KANK1: variants seen among roughly 807,000 people sequenced by gnomAD.
KANK1 encodes KN motif and ankyrin repeat domains 1.
A neutral mutation model predicts 106.2 loss-of-function variants in KANK1; 109 were observed. The observed-to-expected ratio is 1.03, with a 90% CI of 0.88 to 1.20. The LOEUF (loss-of-function observed/expected upper bound fraction) is 1.20, where lower values mean the gene tolerates loss of function less well. Ranked by LOEUF, KANK1 falls within the 50% of genes most tolerant of loss-of-function variation. The probability of loss-of-function intolerance (pLI) is 0.00; values close to 1 mark genes in which losing one functional copy is unlikely to be tolerated. For missense variants in KANK1, 2,399 were observed against 1,710.7 expected (o/e 1.40, Z -7.10); for synonymous variants, 873 against 652.2 (o/e 1.34, Z -5.16).
chr9:529,221 A>T (rs185304533), intron 1 of KANK1, among the ~76,000 whole-genome samples: 1 of 126,132 alleles, frequency 7.9e-6, no homozygotes, highest in African/African-American at 3.0e-5. Context: ...AACTCTGTTA[A>T]TATATATATA....
intron 3 of KANK1, among the ~76,000 whole-genome samples, chr9:484,700 T>G (rs2058261756): frequency 6.6e-6 from 1 of 152,166 alleles, no homozygotes; most frequent in Non-Finnish European, 1.5e-5. Context: ...TTCTCAAGGA[T>G]CACAGGTCTG....
intron 1 of KANK1, among the ~76,000 whole-genome samples, chr9:654,831 G>C (rs937369567): frequency 1.3e-4 from 19 of 150,858 alleles, no homozygotes; most frequent in Non-Finnish European, 2.5e-4. Context: ...GAGAGAGAGA[G>C]AGAGAGAGAG....
At chr9:472,913 G>C (rs1304311803) in intron 2 of KANK1, among the ~76,000 whole-genome samples, 1 of 152,138 alleles carries the variant, frequency 6.6e-6, no homozygotes, top group Non-Finnish European at 1.5e-5. Context: ...AACTACCCTA[G>C]GTGAGACCAG....
chr9:727,322 A>ATTTT (rs113811286), intron 3 of KANK1, among the ~76,000 whole-genome samples: 1 of 147,858 alleles, frequency 6.8e-6, no homozygotes. Context: ...ATCCAAGGAA[A>ATTTT]TTTTTTTTTT....
chr9:616,140 A>G (rs1383144020), intron 1 of KANK1, among the ~76,000 whole-genome samples: 2 of 152,202 alleles, frequency 1.3e-5, no homozygotes, highest in African/African-American at 2.4e-5. Context: ...AAGAGTTTCA[A>G]TCAACAAGAT....
At chr9:728,867 C>A (rs1831459649) in intron 3 of KANK1, among the ~76,000 whole-genome samples, 1 of 152,176 alleles carries the variant, frequency 6.6e-6, no homozygotes, top group Non-Finnish European at 1.5e-5. Flanking sequence ...GACCTGGAAG[C>A]CCACCCTTAT....
chr9:511,041 A>T (rs548211661), intron 1 of KANK1, among the ~76,000 whole-genome samples: 1 of 152,220 alleles, frequency 6.6e-6, no homozygotes, highest in African/African-American at 2.4e-5. Flanking sequence ...TGAATGTATA[A>T]TGATGCAAAA....
At chr9:550,842 G>T (rs148980259) in intron 1 of KANK1, among the ~76,000 whole-genome samples, 1 of 152,136 alleles carries the variant, frequency 6.6e-6, no homozygotes, top group African/African-American at 2.4e-5. Flanking sequence ...TCTCCGAACT[G>T]TCTATACTTT....
At chr9:480,978 GA>G (rs1160270488) in intron 3 of KANK1, among the ~76,000 whole-genome samples, 1 of 152,130 alleles carries the variant, frequency 6.6e-6, no homozygotes, top group African/African-American at 2.4e-5. Flanking sequence ...CCACCTAAGT[GA>G]AAAAATGCAT....
chr9:551,728 G>A (rs369847090), intron 1 of KANK1, among the ~76,000 whole-genome samples: 1 of 151,968 alleles, frequency 6.6e-6, no homozygotes, highest in African/African-American at 2.4e-5. Flanking sequence ...AGATACCATC[G>A]GTGTTGTTAT....
chr9:689,997 A>T (rs912952673), intron 2 of KANK1, among the ~76,000 whole-genome samples: 1 of 151,828 alleles, frequency 6.6e-6, no homozygotes, highest in Admixed American at 6.6e-5. Flanking sequence ...GTTTATAAGA[A>T]CTACAAGAGG....
chr9:574,206 C>T (rs1290630533), intron 1 of KANK1, among the ~76,000 whole-genome samples: 1 of 152,248 alleles, frequency 6.6e-6, no homozygotes, highest in East Asian at 1.9e-4. Flanking sequence ...AGCTCTGTAC[C>T]TGTAACATTC....
At chr9:687,522 G>C (rs1244006910) in intron 2 of KANK1, among the ~76,000 whole-genome samples, 1 of 152,256 alleles carries the variant, frequency 6.6e-6, no homozygotes, top group East Asian at 1.9e-4. Flanking sequence ...CATGACTACA[G>C]GTACTCAGAG....
chr9:506,709 G>A (rs150248946), intron 1 of KANK1, among the ~76,000 whole-genome samples: 164 of 152,336 alleles, frequency 1.1e-3, no homozygotes, highest in Middle Eastern at 0.01. Context: ...CATTTCATGA[G>A]TATCAGTTCA....
At chr9:581,031 G>T (rs960626572) in intron 1 of KANK1, among the ~76,000 whole-genome samples, 3 of 151,900 alleles carry the variant, frequency 2.0e-5, no homozygotes, top group African/African-American at 7.2e-5. Context: ...GCCCCTCACT[G>T]CCCAGGGGCC....
intron 1 of KANK1, among the ~76,000 whole-genome samples, chr9:636,232 C>CT (rs978427017): frequency 1.3e-5 from 2 of 152,102 alleles, no homozygotes; most frequent in African/African-American, 4.8e-5. Context: ...GAGCTCTGCT[C>CT]TTAGATCTTT....
chr9:524,542 G>A (rs1323724527), intron 1 of KANK1, among the ~76,000 whole-genome samples: 3 of 151,668 alleles, frequency 2.0e-5, no homozygotes, highest in Non-Finnish European at 4.4e-5. Flanking sequence ...TTTTGAAACT[G>A]TGTCTTGGCC....
At chr9:606,114 G>A (rs1829042160) in intron 1 of KANK1, among the ~76,000 whole-genome samples, 1 of 144,938 alleles carries the variant, frequency 6.9e-6, no homozygotes, top group African/African-American at 2.6e-5. Context: ...CTTTCCCCCA[G>A]TATATAGCAT....
At chr9:533,975 A>G (rs1217679978) in intron 1 of KANK1, among the ~76,000 whole-genome samples, 1 of 152,158 alleles carries the variant, frequency 6.6e-6, no homozygotes, top group Non-Finnish European at 1.5e-5. Context: ...TTATGTTGAG[A>G]TAAGGAGAAT....
Sources: allele counts gnomAD v4.1 joint callset (sites outside exome capture counted in the v4.1 genomes callset), GRCh38; gene constraint gnomAD v4.1.1; transcripts MANE v1.5; gene names NCBI Gene and HGNC (gene_info 2026-07-23, HGNC 2026-07-21).